AGBL1: variants seen among roughly 807,000 people sequenced by gnomAD.
AGBL1 encodes cytosolic carboxypeptidase 4.
Under a neutral mutation model 118.9 loss-of-function variants are expected in AGBL1, and 130 were observed. The observed-to-expected ratio is 1.09, with a 90% CI of 0.95 to 1.26. The LOEUF (loss-of-function observed/expected upper bound fraction) is 1.26, where lower values mean the gene tolerates loss of function less well. Ranked by LOEUF, AGBL1 falls within the 50% of genes most tolerant of loss-of-function variation. The pLI is 0.00. For missense variants in AGBL1, 1,584 were observed against 1,298.1 expected, an observed-to-expected ratio of 1.22 and a Z score of -3.38; for synonymous variants, 555 against 478.9, an observed-to-expected ratio of 1.16 and a Z score of -2.08.
chr15:86,179,463 T>C (rs1369573179), intron 5 of AGBL1, among the ~76,000 whole-genome samples: 1 of 152,138 alleles, frequency 6.6e-6, no homozygotes, highest in Non-Finnish European at 1.5e-5. Context: ...AACCCGACAA[T>C]ATATGATTAT....
At chr15:86,415,859 A>C (rs1046805473) in intron 18 of AGBL1, among the ~76,000 whole-genome samples, 1 of 152,286 alleles carries the variant, frequency 6.6e-6, no homozygotes, top group Admixed American at 6.5e-5. Context: ...TATAAATGTT[A>C]TGATTATTCA....
Position 86,773,080 on chromosome 15 carries a change from G to T in AGBL1, c.3158+98644G>T, listed in dbSNP as rs115311560. ...AATCAAGGGTGCACTTATGGGCCTT[G>T]ATTCTTGATTCTTGGCTTTTTGTCC... is the stretch of plus-strand genomic sequence containing the variant. On this transcript the variant is annotated intron_variant, in intron 22 of 22. Coordinates refer to ENST00000614907, the MANE Select transcript of AGBL1 (RefSeq NM_001386094.1). 9.1e-4 allele frequency among the ~76,000 whole-genome samples: 139 copies of T among 152,146 alleles called. 1 individual carries two copies. The highest frequency in any genetic ancestry group is 3.2e-3 in the African/African-American group (133 of 41,540).
chr15:86,320,761 A>G (rs1034715446), intron 17 of AGBL1, among the ~76,000 whole-genome samples: 2 of 151,586 alleles, frequency 1.3e-5, no homozygotes, highest in African/African-American at 4.8e-5. Flanking sequence ...TTATGAGGTT[A>G]AGGATGTGTC....
chr15:86,774,863 G>A (rs1217179933), intron 22 of AGBL1, among the ~76,000 whole-genome samples: 1 of 152,062 alleles, frequency 6.6e-6, no homozygotes, highest in Non-Finnish European at 1.5e-5. Flanking sequence ...GAGGAAGAGA[G>A]GTAAGGAGCG....
In AGBL1 at chr15:86,741,772, A is replaced by AT. The variant is rs35455437; in HGVS notation, c.3158+67346dup. Among the ~76,000 whole-genome samples the AT allele has an allele frequency of 1.1e-3, 164 of 150,136 alleles. 1 individual carries two copies. Among genetic ancestry groups the AT allele is most frequent in the Admixed American group, 2.7e-3 (40 of 15,072 alleles). ...TTAGCTTTAATATTTGCTAGCAGAC[A>AT]TTTTTTTTTTAACCTCTCCTTGTTT... On this transcript the variant is annotated intron_variant, in intron 22 of 22. Transcript: ENST00000614907.
At chr15:86,394,467 G>T (rs912644241) in intron 17 of AGBL1, among the ~76,000 whole-genome samples, 1 of 152,038 alleles carries the variant, frequency 6.6e-6, no homozygotes, top group Non-Finnish European at 1.5e-5. Context: ...GTCATTCAAG[G>T]TAATATTATT....
rs1359846352 is a variant in AGBL1, at chr15:86,827,362, TGTGTGTGTATATATATATATAC to T, written c.3159-79724_3159-79703del. 4.1e-3 allele frequency among the ~76,000 whole-genome samples: 35 copies of T among 8,570 alleles called. 3 individuals carry two copies. Among genetic ancestry groups the T allele is most frequent in the African/African-American group, 0.038 (35 of 916 alleles). The allele number at this position is 8,570 out of a possible 152,430, so 5.6% of individuals were successfully genotyped here. The stretch of plus-strand genomic sequence containing the variant: ...ATGTGTATATATATATATATATATA[TGTGTGTGTATATATATATATAC>T]ACATATATATATACATATATATATG... On this transcript the variant is annotated intron_variant, in intron 22 of 22. Coordinates refer to ENST00000614907, the MANE Select transcript of AGBL1 (RefSeq NM_001386094.1).
At chr15:87,005,118 T>G (rs1398910484) in intron 24 of AGBL1, among the ~76,000 whole-genome samples, 1 of 152,216 alleles carries the variant, frequency 6.6e-6, no homozygotes. Flanking sequence ...TGGCTGCCCT[T>G]AACATTTTTT....
intron 10 of AGBL1, 45 bp from the exon 11 acceptor site, chr15:86,264,213 C>G (rs1277579864): frequency 7.1e-7 from 1 of 1,417,660 alleles, no homozygotes; most frequent in Non-Finnish European, 9.5e-7. Context: ...TATTCCCTAC[C>G]TGGAAGGACA....
At chr15:86,705,982 TTAAAAA>T (rs2086442760) in intron 22 of AGBL1, among the ~76,000 whole-genome samples, 1 of 152,068 alleles carries the variant, frequency 6.6e-6, no homozygotes, top group Non-Finnish European at 1.5e-5. Context: ...AAAAAAAACT[TTAAAAA>T]TAAATAGTTT....
At chr15:86,785,092 A>G (rs1362403539) in intron 22 of AGBL1, among the ~76,000 whole-genome samples, 1 of 152,162 alleles carries the variant, frequency 6.6e-6, no homozygotes, top group Non-Finnish European at 1.5e-5. Flanking sequence ...CTGCAGAGGA[A>G]ACCTCACTTC....
At chr15:86,298,321 CTATA>C (rs1251385961) in intron 17 of AGBL1, among the ~76,000 whole-genome samples, 2 of 85,120 alleles carry the variant, frequency 2.3e-5, no homozygotes, top group Middle Eastern at 5.9e-3. Context: ...ATATAGGTAA[CTATA>C]TATATGGTAA....
chr15:86,192,932 T>C (rs1165543431), intron 5 of AGBL1, among the ~76,000 whole-genome samples: 1 of 152,220 alleles, frequency 6.6e-6, no homozygotes, highest in African/African-American at 2.4e-5. Flanking sequence ...CCATTCCATT[T>C]ATTTCTATTG....
chr15:86,184,038 T>A (rs1035477087), intron 5 of AGBL1, among the ~76,000 whole-genome samples: 7 of 152,200 alleles, frequency 4.6e-5, no homozygotes, highest in African/African-American at 1.7e-4. Context: ...CACAAGCTGG[T>A]GTACACATTC....
chr15:86,959,791 C>T (rs574788412), intron 23 of AGBL1, among the ~76,000 whole-genome samples: 1 of 152,186 alleles, frequency 6.6e-6, no homozygotes, highest in East Asian at 1.9e-4. Flanking sequence ...TCTTCTAAAG[C>T]CAAAATAATG....
intron 17 of AGBL1, among the ~76,000 whole-genome samples, chr15:86,335,712 G>A (rs922998706): frequency 3.9e-5 from 6 of 152,152 alleles, no homozygotes; most frequent in Non-Finnish European, 7.4e-5. Flanking sequence ...ATAAGGTGTT[G>A]TTATAAGAAA....
At chr15:86,305,090 G>C (rs2079817722) in intron 17 of AGBL1, 1 of 152,112 alleles carries the variant, frequency 6.6e-6, no homozygotes, top group Non-Finnish European at 1.5e-5. Context: ...TGCACCTAAG[G>C]CAGAAAAACA....
At chr15:86,093,429 C>T (rs1896160301) in intron 1 of AGBL1, among the ~76,000 whole-genome samples, 1 of 152,142 alleles carries the variant, frequency 6.6e-6, no homozygotes, top group Non-Finnish European at 1.5e-5. Context: ...AGAAATAATA[C>T]ATGATGGAAT....
At chr15:86,683,719 C>T (rs1051033444) in intron 22 of AGBL1, among the ~76,000 whole-genome samples, 4 of 152,170 alleles carry the variant, frequency 2.6e-5, no homozygotes, top group African/African-American at 9.7e-5. Context: ...CTCACTCTTA[C>T]TACTCTCTAT....
Sources: gnomAD v4.1 joint callset for allele counts (sites outside exome capture counted in the v4.1 genomes callset) on GRCh38, gnomAD v4.1.1 for gene constraint, MANE v1.5 for transcripts, NCBI Gene and HGNC (gene_info 2026-07-23, HGNC 2026-07-21) for gene names.